TESPA1: variants seen among roughly 807,000 people sequenced by gnomAD.
TESPA1 encodes thymocyte expressed, positive selection associated 1.
Under a neutral mutation model 57.9 loss-of-function variants are expected in TESPA1, and 33 were observed. The observed-to-expected ratio is 0.57, with a 90% CI of 0.43 to 0.76. The LOEUF (loss-of-function observed/expected upper bound fraction) is 0.76. Ranked by LOEUF, TESPA1 falls within the 30% of genes least tolerant of loss-of-function variation. The probability of loss-of-function intolerance (pLI) is 0.00; values close to 1 mark genes in which losing one functional copy is unlikely to be tolerated. For missense variants in TESPA1, 618 were observed against 632.9 expected (o/e 0.98, Z 0.25); for synonymous variants, 227 against 228.9 (o/e 0.99, Z 0.07).
rs779176792 is a variant in TESPA1, at chr12:54,967,213, A to G, written c.280T>C (p.Phe94Leu). 6.2e-7 allele frequency: 1 copy of G among 1,613,044 alleles called. No homozygotes were observed. Among genetic ancestry groups the G allele is most frequent in the Non-Finnish European group, 8.5e-7 (1 of 1,179,632 alleles). Residue 94 changes from phenylalanine (F) to leucine (L), a missense_variant, in exon 5 of 11, where the codon TTT becomes CTT. This residue lies in a region of TESPA1 where 199 missense variants were observed against 184.0 expected (regional missense o/e 1.08). Transcript: ENST00000449076. ...GCTCCCAGGGTCAAGTCATCTTCAA[A>G]GCTGGTCCCATGGCTGCAGAAGCCT... Reference protein sequence around the residue: ...YNGFCSHGTSFEDDLTLGAEA... With the variant: ...YNGFCSHGTSLEDDLTLGAEA...
chr12:54,981,272 T>TAAGGAAGGAAAG (rs1396908883), intron 1 of TESPA1, among the ~76,000 whole-genome samples: 3 of 152,086 alleles, frequency 2.0e-5, no homozygotes, highest in Non-Finnish European at 2.9e-5. Flanking sequence ...TCTTGAGGAA[T>TAAGGAAGGAAAG]AAGGAAGGAA....
At chr12:54,973,934 A>G in intron 2 of TESPA1, 1 of 1,023,198 alleles carries the variant, frequency 9.8e-7, no homozygotes, top group Non-Finnish European at 1.2e-6. Flanking sequence ...GTCTCATCTG[A>G]ACCTCAAAGA....
chr12:54,954,234 G>A (rs1455114099), intron 10 of TESPA1, among the ~76,000 whole-genome samples: 1 of 152,146 alleles, frequency 6.6e-6, no homozygotes, highest in East Asian at 1.9e-4. Flanking sequence ...AGGAGACCTG[G>A]GCCTTAGTTC....
At chr12:54,980,021 C>T (rs2136212660) in intron 1 of TESPA1, among the ~76,000 whole-genome samples, 1 of 152,250 alleles carries the variant, frequency 6.6e-6, no homozygotes, top group South Asian at 2.1e-4. Context: ...TGTCCAAGGC[C>T]ACATCCCTGT....
chr12:54,962,172 T>C (rs528965736), intron 9 of TESPA1, among the ~76,000 whole-genome samples: 2 of 152,158 alleles, frequency 1.3e-5, no homozygotes, highest in African/African-American at 4.8e-5. Context: ...TGATGAGAGG[T>C]GTACTTAATG....
intron 10 of TESPA1, among the ~76,000 whole-genome samples, chr12:54,952,911 AT>A (rs1475792172): frequency 6.6e-6 from 1 of 152,054 alleles, no homozygotes; most frequent in Middle Eastern, 3.2e-3. Flanking sequence ...TGTATGCCCT[AT>A]CTTTCTTTCT....
intron 9 of TESPA1, 137 bp downstream of exon 9, chr12:54,962,294 G>T: frequency 9.5e-7 from 1 of 1,058,104 alleles, no homozygotes; most frequent in Non-Finnish European, 1.4e-6. Context: ...ACCCTGAATT[G>T]AAATCAGAAA....
intron 1 of TESPA1, among the ~76,000 whole-genome samples, chr12:54,982,772 T>A (rs926799749): frequency 6.6e-6 from 1 of 152,252 alleles, no homozygotes; most frequent in Non-Finnish European, 1.5e-5. Flanking sequence ...GTATCTTTAA[T>A]TCTTCAGTTT....
At chr12:54,951,389 CTT>C (rs150026742) in intron 10 of TESPA1, among the ~76,000 whole-genome samples, 3,644 of 152,298 alleles carry the variant, frequency 0.024, 168 homozygotes, top group East Asian at 0.16. Flanking sequence ...AATTAAACCT[CTT>C]TTCTTTACCC....
At chr12:54,969,823 C>A (rs574534553) in intron 3 of TESPA1, among the ~76,000 whole-genome samples, 2 of 152,162 alleles carry the variant, frequency 1.3e-5, no homozygotes, top group Non-Finnish European at 2.9e-5. Context: ...GGATAGTGAA[C>A]GAAACGGACG....
chr12:54,980,018 G>A (rs1592429406), intron 1 of TESPA1, among the ~76,000 whole-genome samples: 3 of 152,072 alleles, frequency 2.0e-5, no homozygotes, highest in South Asian at 2.1e-4. Context: ...ATTTGTCCAA[G>A]GCCACATCCC....
intron 4 of TESPA1, 70 bp from the exon 5 acceptor site, chr12:54,967,306 T>C (rs1951505124): frequency 1.3e-6 from 2 of 1,525,318 alleles, no homozygotes; most frequent in South Asian, 1.2e-5. Context: ...TGCACACCCC[T>C]GCATACACGA....
At chr12:54,961,818 A>C (rs1951096286) in intron 9 of TESPA1, among the ~76,000 whole-genome samples, 1 of 152,178 alleles carries the variant, frequency 6.6e-6, no homozygotes, top group African/African-American at 2.4e-5. Context: ...GCCTAGGCCC[A>C]AATGATGACC....
chr12:54,971,806 T>C lies in TESPA1; in HGVS notation c.206+1671A>G, dbSNP rs1951847457. ...AGTCAATTCTTTTCCTTCTTCCAGG[T>C]AATCACTATCCAAGAGTTAATATGT... is the stretch of plus-strand genomic sequence containing the variant. On this transcript the variant is annotated intron_variant, in intron 3 of 10. Coordinates refer to ENST00000449076, the MANE Select transcript of TESPA1 (RefSeq NM_001136030.3). Among the ~76,000 whole-genome samples the C allele has an allele frequency of 2.6e-5, 4 of 152,272 alleles. No homozygotes were observed. The South Asian group carries it at 8.3e-4, about 32-fold the overall frequency.
At chr12:54,967,063 T>A (rs1474652330) in intron 5 of TESPA1, 120 bp downstream of exon 5, 17 of 1,105,174 alleles carry the variant, frequency 1.5e-5, no homozygotes, top group African/African-American at 4.7e-5. Flanking sequence ...CCTTTCCCTG[T>A]AGATAAGACC....
chr12:54,965,351 C>A (rs1951359069), intron 7 of TESPA1, among the ~76,000 whole-genome samples: 1 of 152,152 alleles, frequency 6.6e-6, no homozygotes, highest in Non-Finnish European at 1.5e-5. Flanking sequence ...TCCTCTCACC[C>A]CATCCCCTGA....
In TESPA1 at chr12:54,961,258, T is replaced by G. The variant is rs1179489121; in HGVS notation, c.1477A>C (p.Asn493His). 4 of 1,613,796 alleles carry G rather than the reference T, an allele frequency of 2.5e-6. No individual in the cohort carries two copies. ...DTFDLEEVQS[N>H]SEEEQSQSRW... is the part of the protein sequence containing the mutation. ...CTCTGACTCTGCTCCTCCTCACTGT[T>G]GCTTTGCACCTGTAACCAAGATCCC... The change falls in exon 10 of 11, where the codon AAC (asparagine) becomes CAC (histidine). Residue 493 changes from asparagine (N) to histidine (H), a missense_variant. Asn to His is a moderately conservative substitution (Grantham distance 68). Coordinates refer to ENST00000449076, the MANE Select transcript of TESPA1 (RefSeq NM_001136030.3).
At chr12:54,967,439 A>G (rs1406995489) in intron 4 of TESPA1, among the ~76,000 whole-genome samples, 1 of 151,650 alleles carries the variant, frequency 6.6e-6, no homozygotes, top group Non-Finnish European at 1.5e-5. Context: ...TTTTTGATTC[A>G]GAAACAATCA....
intron 7 of TESPA1, among the ~76,000 whole-genome samples, chr12:54,965,429 C>T (rs1167161404): frequency 3.3e-5 from 5 of 152,252 alleles, no homozygotes; most frequent in Non-Finnish European, 5.9e-5. Context: ...CCCACTTAGA[C>T]GTGAAAACAT....
Sources: allele counts gnomAD v4.1 joint callset (sites outside exome capture counted in the v4.1 genomes callset), GRCh38; gene constraint gnomAD v4.1.1; regional missense constraint gnomAD v4.1.1; transcripts MANE v1.5; gene names NCBI Gene and HGNC (gene_info 2026-07-23, HGNC 2026-07-21).